CYREN: variants seen among roughly 807,000 people sequenced by gnomAD.
CYREN encodes cell cycle regulator of NHEJ, also known as cell cycle regulator of non-homologous end joining.
Under a neutral mutation model 9.7 loss-of-function variants are expected in CYREN, and 7 were observed. The ratio of observed to expected loss-of-function variants is 0.72; its 90% CI spans 0.41 to 1.36. The LOEUF (loss-of-function observed/expected upper bound fraction) is 1.36. Among genes scored for constraint, CYREN ranks in the 40% most tolerant of loss-of-function variants. CYREN has a pLI of 0.01. For missense variants in CYREN, 215 were observed against 198.1 expected, an observed-to-expected ratio of 1.09 and a Z score of -0.51; for synonymous variants, 76 against 77.9, an observed-to-expected ratio of 0.98 and a Z score of 0.13.
At chr7:135,145,496 G>C (rs1453316822) in intron 2 of CYREN, among the ~76,000 whole-genome samples, 1 of 152,200 alleles carries the variant, frequency 6.6e-6, no homozygotes, top group East Asian at 1.9e-4. Context: ...TCAAGCCCCA[G>C]ACTGGGGCAG....
intron 2 of CYREN, among the ~76,000 whole-genome samples, chr7:135,103,866 G>A (rs1413874804): frequency 6.6e-6 from 1 of 151,878 alleles, no homozygotes; most frequent in Middle Eastern, 3.4e-3. Flanking sequence ...TTCTTCAACT[G>A]CTTCAACTGC....
chr7:135,109,868 T>C (rs928054594), intron 2 of CYREN, among the ~76,000 whole-genome samples: 17 of 152,184 alleles, frequency 1.1e-4, no homozygotes, highest in African/African-American at 3.6e-4. Context: ...GCAAAGACGG[T>C]GGCCCATCCT....
intron 2 of CYREN, 68 bp downstream of exon 2, chr7:135,168,718 C>T (rs755381078): frequency 1.3e-6 from 2 of 1,569,894 alleles, no homozygotes; most frequent in Non-Finnish European, 1.7e-6. Flanking sequence ...GAAGACCTGG[C>T]CCAGGTCATG....
chr7:135,115,728 T>C, intron 2 of CYREN: 1 of 825,786 alleles, frequency 1.2e-6, no homozygotes, highest in Non-Finnish European at 1.8e-6. Flanking sequence ...TGATGTCAGC[T>C]CCATCACATT....
rs754977830 is a variant in CYREN, at chr7:135,166,719, G to A, written c.366C>T (p.Leu122=). 15 of 1,613,678 alleles carry A rather than the reference G, an allele frequency of 9.3e-6. No homozygotes were observed. The highest frequency in any genetic ancestry group is 1.6e-4 in the Middle Eastern group (1 of 6,084). Reference sequence around the variant, plus strand: ...AACCCCCCGGCCTCTGGGAAGGGCTGAGGCCTGGAGCCAGTGCCTGTTTCC... The same window carrying A: ...AACCCCCCGGCCTCTGGGAAGGGCTAAGGCCTGGAGCCAGTGCCTGTTTCC... ...DSGKQALAPG[L]SPSQRPGGSS... is the part of the protein sequence containing the mutation. The change falls in exon 4 of 4, where the codon CTC becomes CTT. Residue 122 remains leucine, a synonymous_variant. Coordinates refer to ENST00000393114, the MANE Select transcript of CYREN (RefSeq NM_024033.4).
At chr7:135,093,738 A>G (rs1450407815) in exon 3 of CYREN, 1 of 152,206 alleles carries the variant, frequency 6.6e-6, no homozygotes, top group East Asian at 1.9e-4. Context: ...CCTTTTGTGC[A>G]GAAACTAACA....
intron 2 of CYREN, among the ~76,000 whole-genome samples, chr7:135,108,776 T>C (rs1825159353): frequency 6.6e-6 from 1 of 152,264 alleles, no homozygotes; most frequent in Non-Finnish European, 1.5e-5. Context: ...ATGGACAATA[T>C]CCTGAAATGT....
intron 1 of CYREN, chr7:135,169,655 T>G (rs745378994): frequency 2.6e-5 from 4 of 152,256 alleles, no homozygotes; most frequent in Non-Finnish European, 5.9e-5. Flanking sequence ...CTGATCTAGT[T>G]TGGCCTCTCT....
intron 2 of CYREN, among the ~76,000 whole-genome samples, chr7:135,098,952 TA>T (rs1231575281): frequency 2.6e-5 from 4 of 152,226 alleles, no homozygotes; most frequent in South Asian, 2.1e-4. Context: ...AGAAACATTA[TA>T]AAAAAATTAC....
At chr7:135,137,523 G>C (rs1829373819) in intron 2 of CYREN, among the ~76,000 whole-genome samples, 1 of 151,750 alleles carries the variant, frequency 6.6e-6, no homozygotes, top group South Asian at 2.1e-4. Flanking sequence ...CCAAACCACA[G>C]ATCCAGAAAG....
chr7:135,158,370 G>C (rs955579282), intron 2 of CYREN, among the ~76,000 whole-genome samples: 3 of 152,230 alleles, frequency 2.0e-5, no homozygotes, highest in Non-Finnish European at 4.4e-5. Flanking sequence ...TTCCAGGGAG[G>C]GGTGCTGCCC....
chr7:135,137,544 AC>A (rs1829374445), intron 2 of CYREN, among the ~76,000 whole-genome samples: 2 of 152,036 alleles, frequency 1.3e-5, no homozygotes, highest in South Asian at 4.1e-4. Context: ...CTCACAGAAT[AC>A]CAGGAATGAT....
chr7:135,118,502 T>A, intron 2 of CYREN, among the ~76,000 whole-genome samples: 1 of 152,110 alleles, frequency 6.6e-6, no homozygotes, highest in Non-Finnish European at 1.5e-5. Flanking sequence ...CTTGCAGTAA[T>A]GAGGTCTTAT....
Position 135,170,641 on chromosome 7 carries a change from C to A in CYREN, c.-139+11G>T, listed in dbSNP as rs1010541609. 6.6e-6 allele frequency: 1 copy of A among 152,304 alleles called. No homozygotes were observed. Among genetic ancestry groups the A allele is most frequent in the Admixed American group, 6.5e-5 (1 of 15,292 alleles). The allele number at this position is 152,304 out of a possible 1,614,324, so 9.4% of individuals were successfully genotyped here. ...GGCAAATTCCAAGCGGTTGTGGGAC[C>A]CACGCCTCACCCGGAACTTTAAGCC... On this transcript the variant is annotated intron_variant, in intron 1 of 3. Coordinates refer to ENST00000393114, the MANE Select transcript of CYREN (RefSeq NM_024033.4).
At chr7:135,148,174 A>G (rs1829586333) in intron 2 of CYREN, 3 of 431,650 alleles carry the variant, frequency 7.0e-6, no homozygotes, top group South Asian at 4.9e-5. Flanking sequence ...GGAGTCTGAC[A>G]TTAGAAAGCC....
At chr7:135,094,889 G>GC in intron 2 of CYREN, among the ~76,000 whole-genome samples, 1 of 152,294 alleles carries the variant, frequency 6.6e-6, no homozygotes, top group Non-Finnish European at 1.5e-5. Context: ...ATTTGCAACA[G>GC]CTGGCAAGGA....
At chr7:135,100,036 C>T (rs113418278) in intron 2 of CYREN, 3,562 of 151,764 alleles carry the variant, frequency 0.023, 75 homozygotes, top group Non-Finnish European at 0.036. Flanking sequence ...TACAGGCACC[C>T]GCCACCATAC....
intron 2 of CYREN, among the ~76,000 whole-genome samples, chr7:135,144,760 T>TTAA (rs57009556): frequency 0.44 from 64,082 of 146,618 alleles, 14,314 homozygotes; most frequent in South Asian, 0.61. Flanking sequence ...TACCAAAAAA[T>TTAA]TAATAATAAT....
chr7:135,167,532 G>A, intron 3 of CYREN, 200 bp downstream of exon 3: 1 of 1,423,364 alleles, frequency 7.0e-7, no homozygotes, highest in Non-Finnish European at 9.1e-7. Context: ...CAGGCTTCTA[G>A]CCTCAAAGAC....
Sources: gnomAD v4.1 joint callset for allele counts (sites outside exome capture counted in the v4.1 genomes callset) on GRCh38, gnomAD v4.1.1 for gene constraint, MANE v1.5 for transcripts, NCBI Gene and HGNC (gene_info 2026-07-23, HGNC 2026-07-21) for gene names.